Variants in ILDR1 observed in about 807,000 individuals in gnomAD.
The protein encoded by ILDR1 is immunoglobulin like domain containing receptor 1.
A neutral mutation model predicts 62.4 loss-of-function variants in ILDR1; 56 were observed. The ratio of observed to expected loss-of-function variants is 0.90; its 90% CI spans 0.72 to 1.12. The LOEUF (loss-of-function observed/expected upper bound fraction) is 1.12, where lower values mean the gene tolerates loss of function less well. Ranked by LOEUF, ILDR1 falls within the 50% of genes most tolerant of loss-of-function variation. ILDR1 has a pLI of 0.00. For synonymous variants in ILDR1, 284 were observed against 277.8 expected (o/e 1.02, Z -0.22); for missense variants, 736 against 710.6 (o/e 1.04, Z -0.41).
the ILDR1 span, among the ~76,000 whole-genome samples, chr3:122,036,923 A>T: frequency 6.6e-6 from 1 of 152,202 alleles, no homozygotes; most frequent in Non-Finnish European, 1.5e-5. Flanking sequence ...AGCCATGGCT[A>T]AAAGGGGCCA....
chr3:122,001,711 G>A (rs769354984), intron 4 of ILDR1, 34 bp downstream of exon 4: 14 of 1,611,976 alleles, frequency 8.7e-6, no homozygotes, highest in Non-Finnish European at 1.2e-5. Context: ...ACGGCAGTGA[G>A]GGTGACTGAA....
At chr3:122,040,797 A>C in the ILDR1 span, among the ~76,000 whole-genome samples, 34,210 of 150,862 alleles carry the variant, frequency 0.23, 4,290 homozygotes, top group African/African-American at 0.32. Context: ...AAAATGAAAA[A>C]CTGCAATACT....
At chr3:122,046,722 G>T in the ILDR1 span, among the ~76,000 whole-genome samples, 10 of 136,972 alleles carry the variant, frequency 7.3e-5, no homozygotes, top group African/African-American at 2.7e-4. Context: ...GGCTCCTGAG[G>T]CTTCTGCATT....
intron 3 of ILDR1, among the ~76,000 whole-genome samples, chr3:122,004,401 C>G (rs956797174): frequency 1.3e-4 from 20 of 152,314 alleles, no homozygotes; most frequent in African/African-American, 4.8e-4. Context: ...ATACATATTA[C>G]CTTAGTCCCC....
intron 3 of ILDR1, 46 bp downstream of exon 3, chr3:122,005,198 C>T: frequency 8.1e-7 from 1 of 1,240,182 alleles, no homozygotes; most frequent in Non-Finnish European, 1.2e-6. Context: ...CTGGTGTCTG[C>T]ACCTCCCCCC....
At chr3:122,002,226 A>G (rs2071539481) in intron 3 of ILDR1, among the ~76,000 whole-genome samples, 1 of 152,240 alleles carries the variant, frequency 6.6e-6, no homozygotes, top group South Asian at 2.1e-4. Flanking sequence ...CCTAACTGGT[A>G]CACTGGAAAT....
the ILDR1 span, among the ~76,000 whole-genome samples, chr3:122,037,553 C>T: frequency 6.6e-6 from 1 of 152,164 alleles, no homozygotes; most frequent in East Asian, 1.9e-4. Flanking sequence ...AGGCCTGTAC[C>T]CCTATTGTAT....
chr3:122,004,754 T>C (rs1053490876), intron 3 of ILDR1, among the ~76,000 whole-genome samples: 2 of 152,314 alleles, frequency 1.3e-5, no homozygotes, highest in Admixed American at 1.3e-4. Flanking sequence ...GGATTCTCAC[T>C]TGGGGCTTTT....
the ILDR1 span, among the ~76,000 whole-genome samples, chr3:122,033,738 A>T: frequency 1.3e-5 from 2 of 152,182 alleles, no homozygotes; most frequent in African/African-American, 4.8e-5. Flanking sequence ...TTTTCATTGA[A>T]AATGAAATTT....
At chr3:122,021,247 C>T (rs1044233732) in intron 1 of ILDR1, among the ~76,000 whole-genome samples, 1 of 152,160 alleles carries the variant, frequency 6.6e-6, no homozygotes, top group African/African-American at 2.4e-5. Context: ...ACACCTACAT[C>T]CTAATTGGAA....
At chr3:122,060,429 C>G in the ILDR1 span, among the ~76,000 whole-genome samples, 9 of 152,084 alleles carry the variant, frequency 5.9e-5, no homozygotes, top group African/African-American at 2.2e-4. Context: ...CCTCTGCTGT[C>G]GGTGGAAATA....
chr3:122,046,662 G>A, the ILDR1 span, among the ~76,000 whole-genome samples: 579 of 148,372 alleles, frequency 3.9e-3, 11 homozygotes, highest in African/African-American at 0.013. Flanking sequence ...GCTTCATTTC[G>A]TTCATTTCAT....
rs554609094 is a variant in ILDR1, at chr3:121,995,100, G to A, written c.647-787C>T. Among the ~76,000 whole-genome samples, 578 of 152,310 alleles carry A rather than the reference G, an allele frequency of 3.8e-3. 3 individuals carry two copies. Among genetic ancestry groups the A allele is most frequent in the African/African-American group, 0.013 (528 of 41,558 alleles). The stretch of plus-strand genomic sequence containing the variant: ...TAAAAATGTCACTCCAGCCCCTTAG[G>A]TGGGGCTGGTCTGAGGCATACAACC... On this transcript the variant is annotated intron_variant, in intron 5 of 7. Coordinates refer to ENST00000344209, the MANE Select transcript of ILDR1 (RefSeq NM_001199799.2).
the ILDR1 span, among the ~76,000 whole-genome samples, chr3:122,048,709 C>T: frequency 6.6e-5 from 10 of 152,260 alleles, no homozygotes; most frequent in East Asian, 1.9e-4. Context: ...TTTGTTGGAA[C>T]GTAAGTGTTC....
At chr3:122,005,654 T>C (rs2071597041) in intron 2 of ILDR1, among the ~76,000 whole-genome samples, 1 of 152,128 alleles carries the variant, frequency 6.6e-6, no homozygotes, top group East Asian at 1.9e-4. Context: ...ATCATTTTCA[T>C]GCCGGCTCTA....
At chr3:122,014,351 T>A (rs1045835695) in intron 1 of ILDR1, among the ~76,000 whole-genome samples, 5 of 152,244 alleles carry the variant, frequency 3.3e-5, no homozygotes, top group Non-Finnish European at 5.9e-5. Context: ...TTGTTTTTTT[T>A]AAATTAATCA....
At chr3:122,007,550 G>T (rs1224893290) in intron 1 of ILDR1, among the ~76,000 whole-genome samples, 2 of 152,284 alleles carry the variant, frequency 1.3e-5, no homozygotes, top group East Asian at 3.9e-4. Context: ...TAAGGATAAA[G>T]TTCAAGCTCC....
At chr3:122,039,696 T>C in the ILDR1 span, among the ~76,000 whole-genome samples, 9 of 152,126 alleles carry the variant, frequency 5.9e-5, no homozygotes, top group Admixed American at 4.6e-4. Flanking sequence ...AACTAGAATA[T>C]ACACGAAGAA....
chr3:122,007,124 T>C lies in ILDR1; in HGVS notation c.96A>G (p.Glu32=). The change falls in exon 2 of 8, where the codon GAA becomes GAG. Residue 32 remains glutamate (E), a synonymous_variant. Transcript: ENST00000344209. ...LSLLVTVQHT[E]RYVTLFASII... is the part of the protein sequence containing the mutation. ...TAGAGGCAAACAGGGTGACATAGCG[T>C]TCTGTGTGCTGGACCGTCACAAGCA... 1 of 1,614,138 alleles carries C rather than the reference T, an allele frequency of 6.2e-7. No homozygotes were observed. Among genetic ancestry groups the C allele is most frequent in the Non-Finnish European group, 8.5e-7 (1 of 1,180,026 alleles).
Sources: allele counts gnomAD v4.1 joint callset (sites outside exome capture counted in the v4.1 genomes callset), GRCh38; gene constraint gnomAD v4.1.1; transcripts MANE v1.5; gene names NCBI Gene and HGNC (gene_info 2026-07-23, HGNC 2026-07-21).